The following TACC2 variants were observed in gnomAD, a reference collection of about 807,000 sequenced individuals.
The protein encoded by TACC2 is transforming acidic coiled-coil containing protein 2.
In TACC2, 137 loss-of-function variants were observed where a neutral mutation model predicts 227.3. That is an observed-to-expected ratio of 0.60 (90% confidence interval 0.52 to 0.69). The LOEUF (loss-of-function observed/expected upper bound fraction) is 0.69, where lower values mean the gene tolerates loss of function less well. TACC2 is among the 30% of genes least tolerant of loss of function. TACC2 has a pLI of 0.00. For missense variants in TACC2, 3,470 were observed against 3,694.4 expected, an observed-to-expected ratio of 0.94 and a Z score of 1.57; for synonymous variants, 1,523 against 1,487.5, an observed-to-expected ratio of 1.02 and a Z score of -0.55.
At chr10:122,200,396 G>A (rs1476749322) in intron 8 of TACC2, among the ~76,000 whole-genome samples, 8 of 152,020 alleles carry the variant, frequency 5.3e-5, no homozygotes, top group African/African-American at 1.7e-4. Context: ...ACAGTGAGAG[G>A]ACGGGCACCT....
At chr10:122,129,431 T>C (rs1316727600) in intron 5 of TACC2, among the ~76,000 whole-genome samples, 1 of 152,222 alleles carries the variant, frequency 6.6e-6, no homozygotes, top group Admixed American at 6.5e-5. Context: ...TGTCCTCTAC[T>C]GTTGGGCATT....
chr10:122,081,132 A>C (rs527507981), intron 3 of TACC2, among the ~76,000 whole-genome samples: 3 of 152,310 alleles, frequency 2.0e-5, no homozygotes, highest in Non-Finnish European at 2.9e-5. Context: ...TAGAACTCTG[A>C]AAGTGGCAAG....
chr10:122,244,246 G>C (rs1398071353), intron 19 of TACC2, among the ~76,000 whole-genome samples: 1 of 152,104 alleles, frequency 6.6e-6, no homozygotes, highest in Non-Finnish European at 1.5e-5. Context: ...CAATCCCTTA[G>C]AACATTTTCC....
At chr10:121,997,547 C>T (rs2134973971) in intron 1 of TACC2, among the ~76,000 whole-genome samples, 1 of 152,258 alleles carries the variant, frequency 6.6e-6, no homozygotes, top group East Asian at 1.9e-4. Flanking sequence ...GGGCCAGGAC[C>T]ACTCAGACAG....
In TACC2 at chr10:122,057,924, T is replaced by C. The variant is rs1046010904; in HGVS notation, c.146+7374T>C. Among the ~76,000 whole-genome samples the C allele has an allele frequency of 5.9e-5, 9 of 152,170 alleles. No homozygotes were observed. In the East Asian group the frequency reaches 1.5e-3, roughly 26 times the overall value. ...CCCTCGCTAGATGATGTTAGACTTC[T>C]TTCCTAAGGGTTCAACAGAAACAAG... On this transcript the variant is annotated intron_variant, in intron 3 of 22. Coordinates refer to ENST00000369005, the MANE Select transcript of TACC2 (RefSeq NM_206862.4).
At chr10:122,003,463 T>G (rs1018201158) in intron 1 of TACC2, among the ~76,000 whole-genome samples, 2 of 152,146 alleles carry the variant, frequency 1.3e-5, no homozygotes, top group Admixed American at 1.3e-4. Context: ...GACTCTGATA[T>G]ATATGTAATG....
chr10:122,198,824 G>T lies in TACC2; in HGVS notation c.5971+3648G>T, dbSNP rs560564819. 3.9e-5 allele frequency among the ~76,000 whole-genome samples: 6 copies of T among 152,334 alleles called. No individual in the cohort carries two copies. In the South Asian group the frequency reaches 1.2e-3, roughly 32 times the overall value. ...CCTTAGTAGGTGTTGAGTGAAAGTT[G>T]TTGCTGGACCTGCTGTTGCTTAGAT... On this transcript the variant is annotated intron_variant, in intron 8 of 22. Transcript: ENST00000369005.
intron 7 of TACC2, among the ~76,000 whole-genome samples, chr10:122,173,810 G>A (rs2093588366): frequency 6.6e-6 from 1 of 152,250 alleles, no homozygotes. Flanking sequence ...TAAGGGAAGA[G>A]CATGGCTGAG....
chr10:122,078,864 G>C (rs2079131599), intron 3 of TACC2: 2 of 152,220 alleles, frequency 1.3e-5, no homozygotes, highest in Admixed American at 1.3e-4. Context: ...GTTCTTATTT[G>C]GGAGGAGTTG....
At chr10:122,249,013 G>A (rs376213220) in intron 20 of TACC2, 37 bp from the exon 21 acceptor site, 49 of 1,586,696 alleles carry the variant, frequency 3.1e-5, no homozygotes, top group East Asian at 2.5e-4. Context: ...ATTTGTTCTC[G>A]TGGGCTTGAC....
chr10:122,064,414 C>T (rs530136806), intron 3 of TACC2, among the ~76,000 whole-genome samples: 1 of 152,312 alleles, frequency 6.6e-6, no homozygotes, highest in Admixed American at 6.5e-5. Context: ...AAAGTCTATA[C>T]AGTAAGTTCT....
chr10:122,203,913 C>G (rs566840468), intron 8 of TACC2, among the ~76,000 whole-genome samples: 1 of 151,984 alleles, frequency 6.6e-6, no homozygotes, highest in Non-Finnish European at 1.5e-5. Flanking sequence ...CCCGGCACCT[C>G]GGGAGGCCGA....
intron 2 of TACC2, among the ~76,000 whole-genome samples, chr10:122,047,062 G>A (rs1279803157): frequency 2.6e-5 from 4 of 151,612 alleles, no homozygotes; most frequent in South Asian, 4.2e-4. Flanking sequence ...AGGCTGAGGC[G>A]GGCAGATCAC....
chr10:121,993,941 CT>C (rs1565017066), intron 1 of TACC2, among the ~76,000 whole-genome samples: 1 of 152,124 alleles, frequency 6.6e-6, no homozygotes, highest in Non-Finnish European at 1.5e-5. Flanking sequence ...CAGCCCCTTT[CT>C]TTTTTCTTTA....
At chr10:122,001,863 A>G (rs1352299307) in intron 1 of TACC2, among the ~76,000 whole-genome samples, 1 of 152,054 alleles carries the variant, frequency 6.6e-6, no homozygotes, top group Non-Finnish European at 1.5e-5. Context: ...TTTCCAGTAA[A>G]TTATTTATGT....
At chr10:122,054,572 A>G (rs2076034033) in intron 3 of TACC2, among the ~76,000 whole-genome samples, 1 of 152,228 alleles carries the variant, frequency 6.6e-6, no homozygotes, top group South Asian at 2.1e-4. Flanking sequence ...AGGTTGTACC[A>G]GAGGAAATTA....
At chr10:122,147,162 T>C (rs1185371992) in intron 7 of TACC2, among the ~76,000 whole-genome samples, 1 of 151,694 alleles carries the variant, frequency 6.6e-6, no homozygotes, top group Non-Finnish European at 1.5e-5. Context: ...TTTTTTTTTT[T>C]GAGACAGAGT....
At position 122,143,683 on chromosome 10, in the gene TACC2, A is replaced by G. The variant is rs150954247; in HGVS notation, c.5811A>G (p.Pro1937=). ...TAGAAGCTTCCACTCCCTCCTGCCC[A>G]GATCCGGCCAAGGACCTCAGCAGGT... ...DRVEASTPSC[P]DPAKDLSRSS... is the part of the protein sequence containing the mutation. The change falls in exon 7 of 23, where the codon CCA becomes CCG. Residue 1937 remains proline (P), a synonymous_variant. Transcript: ENST00000369005. The G allele has an allele frequency of 3.4e-5, 55 of 1,613,908 alleles. No individual in the cohort carries two copies. In the African/African-American group the frequency reaches 4.3e-4, roughly 13 times the overall value.
intron 7 of TACC2, among the ~76,000 whole-genome samples, chr10:122,149,059 C>G (rs1218241373): frequency 6.6e-6 from 1 of 152,234 alleles, no homozygotes; most frequent in African/African-American, 2.4e-5. Flanking sequence ...CTGTACGAGG[C>G]TGAAGCCAGG....
Sources: allele counts gnomAD v4.1 joint callset (sites outside exome capture counted in the v4.1 genomes callset), GRCh38; gene constraint gnomAD v4.1.1; transcripts MANE v1.5; gene names NCBI Gene and HGNC (gene_info 2026-07-23, HGNC 2026-07-21).